PRIM2: variants seen among roughly 807,000 people sequenced by gnomAD.
The protein encoded by PRIM2 is DNA primase large subunit.
In PRIM2, 39 loss-of-function variants were observed where a neutral mutation model predicts 67.3. That is an observed-to-expected ratio of 0.58 (90% CI 0.45 to 0.76). The LOEUF is 0.76. Ranked by LOEUF, PRIM2 falls within the 30% of genes least tolerant of loss-of-function variation. The pLI, the probability that PRIM2 is intolerant of heterozygous loss-of-function variation, is 0.00. For missense variants in PRIM2, 398 were observed against 598.7 expected (o/e 0.66, Z 3.50); for synonymous variants, 143 against 198.7 (o/e 0.72, Z 2.36).
intron 3 of PRIM2, among the ~76,000 whole-genome samples, chr6:57,320,791 G>C (rs891627027): frequency 5.3e-5 from 8 of 152,142 alleles, no homozygotes; most frequent in African/African-American, 1.9e-4. Flanking sequence ...ATAATTCCTT[G>C]TTGCAGGGAT....
chr6:57,240,102 T>TTTGG, the PRIM2 span, among the ~76,000 whole-genome samples: 1 of 143,196 alleles, frequency 7.0e-6, no homozygotes, highest in African/African-American at 2.6e-5. Flanking sequence ...TTTTTTTTTT[T>TTTGG]TTTTTTTTTT....
At chr6:57,507,678 C>T (rs1453311090) in intron 8 of PRIM2, among the ~76,000 whole-genome samples, 70 of 152,104 alleles carry the variant, frequency 4.6e-4, no homozygotes, top group African/African-American at 1.6e-3. Context: ...GTGTGCTGAA[C>T]TGCTTGATAA....
At chr6:57,452,803 G>T (rs925639414) in intron 7 of PRIM2, among the ~76,000 whole-genome samples, 2 of 152,134 alleles carry the variant, frequency 1.3e-5, no homozygotes, top group East Asian at 1.9e-4. Flanking sequence ...GATCCCATTT[G>T]TCAATTTTGG....
the PRIM2 span, among the ~76,000 whole-genome samples, chr6:57,223,106 C>G: frequency 6.6e-6 from 1 of 152,144 alleles, no homozygotes; most frequent in Non-Finnish European, 1.5e-5. Context: ...TAATGAAACA[C>G]TATACAGCAA....
chr6:57,528,418 A>G (rs1403205586), intron 8 of PRIM2, among the ~76,000 whole-genome samples: 5 of 150,778 alleles, frequency 3.3e-5, no homozygotes, highest in Admixed American at 3.3e-4. Flanking sequence ...GCCCTTTTGT[A>G]TATTCTAGTG....
intron 7 of PRIM2, among the ~76,000 whole-genome samples, chr6:57,449,592 CTTA>C (rs1447213050): frequency 2.6e-5 from 4 of 152,048 alleles, no homozygotes; most frequent in Non-Finnish European, 5.9e-5. Context: ...TTTTATTCTT[CTTA>C]TTAATGGCCT....
intron 5 of PRIM2, among the ~76,000 whole-genome samples, chr6:57,357,776 A>G (rs1219730399): frequency 6.6e-6 from 1 of 151,860 alleles, no homozygotes; most frequent in Non-Finnish European, 1.5e-5. Flanking sequence ...TTGTATTTTT[A>G]GTAGAGATGG....
At chr6:57,499,445 A>T (rs1774081245) in intron 7 of PRIM2, among the ~76,000 whole-genome samples, 1 of 152,300 alleles carries the variant, frequency 6.6e-6, no homozygotes, top group African/African-American at 2.4e-5. Context: ...CTCCTGAGGT[A>T]GGTTATAAAA....
chr6:57,410,739 A>G (rs1468714871), intron 7 of PRIM2, among the ~76,000 whole-genome samples: 7 of 151,822 alleles, frequency 4.6e-5, no homozygotes, highest in South Asian at 4.2e-4. Flanking sequence ...TTTCTTGCCA[A>G]TTACCCTGGC....
the PRIM2 span, among the ~76,000 whole-genome samples, chr6:57,272,244 T>G: frequency 7.0e-4 from 107 of 152,300 alleles, no homozygotes; most frequent in African/African-American, 2.5e-3. Flanking sequence ...AGTCTCCCAT[T>G]ATTATTGTGT....
At chr6:57,297,095 C>G in the PRIM2 span, among the ~76,000 whole-genome samples, 2 of 152,094 alleles carry the variant, frequency 1.3e-5, no homozygotes, top group African/African-American at 4.8e-5. Context: ...GGGGAACATG[C>G]TCTCTTTTTT....
intron 5 of PRIM2, among the ~76,000 whole-genome samples, chr6:57,338,543 G>T (rs1388835294): frequency 6.6e-6 from 1 of 150,498 alleles, no homozygotes; most frequent in Non-Finnish European, 1.5e-5. Flanking sequence ...GGGATGCAAG[G>T]CTCGTTCAAT....
At chr6:57,384,754 T>G (rs929125300) in intron 7 of PRIM2, among the ~76,000 whole-genome samples, 1 of 152,134 alleles carries the variant, frequency 6.6e-6, no homozygotes, top group African/African-American at 2.4e-5. Context: ...AGACAACAAT[T>G]GTCTACTACC....
At chr6:57,629,085 C>T (rs1248503270) in intron 12 of PRIM2, among the ~76,000 whole-genome samples, 4 of 152,130 alleles carry the variant, frequency 2.6e-5, no homozygotes, top group African/African-American at 7.2e-5. Flanking sequence ...TTAGTATCAA[C>T]ATCAAAATAG....
chr6:57,527,521 G>C (rs1225865613), intron 8 of PRIM2, among the ~76,000 whole-genome samples: 1 of 152,080 alleles, frequency 6.6e-6, no homozygotes, highest in East Asian at 1.9e-4. Flanking sequence ...ATGTAACATT[G>C]CCTACAGTAT....
intron 10 of PRIM2, among the ~76,000 whole-genome samples, chr6:57,578,372 A>G (rs1207999027): frequency 1.3e-5 from 2 of 152,164 alleles, no homozygotes; most frequent in East Asian, 3.9e-4. Flanking sequence ...TCATCCCTCC[A>G]TGGATCTTGC....
At chr6:57,491,897 A>G (rs1364882922) in intron 7 of PRIM2, among the ~76,000 whole-genome samples, 7 of 152,268 alleles carry the variant, frequency 4.6e-5, no homozygotes, top group East Asian at 1.9e-4. Context: ...TAAGATGCCA[A>G]TTCCTGGCAG....
At chr6:57,249,129 A>G in the PRIM2 span, among the ~76,000 whole-genome samples, 1 of 152,208 alleles carries the variant, frequency 6.6e-6, no homozygotes, top group Non-Finnish European at 1.5e-5. Context: ...CTCTGACACC[A>G]CAAATTTTTA....
chr6:57,448,532 T>G (rs1163847671), intron 7 of PRIM2, among the ~76,000 whole-genome samples: 1 of 151,842 alleles, frequency 6.6e-6, no homozygotes, highest in Non-Finnish European at 1.5e-5. Flanking sequence ...ATAGTTTGAG[T>G]TTTTACATTT....
Sources: gnomAD v4.1 joint callset for allele counts (sites outside exome capture counted in the v4.1 genomes callset) on GRCh38, gnomAD v4.1.1 for gene constraint, MANE v1.5 for transcripts, NCBI Gene and HGNC (gene_info 2026-07-23, HGNC 2026-07-21) for gene names.